PANK3: variants seen among roughly 807,000 people sequenced by gnomAD.
PANK3 encodes hPanK3.
PANK3 carries 20 observed loss-of-function variants against 39.4 expected under a neutral mutation model. That is an observed-to-expected ratio of 0.51 (90% CI 0.36 to 0.74). The LOEUF (loss-of-function observed/expected upper bound fraction) is 0.74. Ranked by LOEUF, PANK3 falls within the 30% of genes least tolerant of loss-of-function variation. The pLI is 0.00. For synonymous variants in PANK3, 140 were observed against 157.3 expected (o/e 0.89, Z 0.82); for missense variants, 265 against 437.0 (o/e 0.61, Z 3.51).
intron 6 of PANK3, 36 bp from the exon 7 acceptor site, chr5:168,557,657 CT>C: frequency 6.5e-7 from 1 of 1,547,214 alleles, no homozygotes; most frequent in Non-Finnish European, 8.9e-7. Context: ...TGTAGTACAG[CT>C]TTTAAGTTAG....
At chr5:168,575,886 G>A (rs930775686) in intron 1 of PANK3, among the ~76,000 whole-genome samples, 2 of 152,054 alleles carry the variant, frequency 1.3e-5, no homozygotes, top group Non-Finnish European at 2.9e-5. Context: ...CATGAAAAAC[G>A]CTCGAAACAT....
intron 1 of PANK3, among the ~76,000 whole-genome samples, chr5:168,569,772 C>G (rs1759596716): frequency 6.6e-6 from 1 of 152,124 alleles, no homozygotes; most frequent in South Asian, 2.1e-4. Context: ...GCAATTCCTG[C>G]CAGGTATGGT....
chr5:168,553,102 C>T lies in PANK3; in HGVS notation c.*4469G>A. The T allele has an allele frequency of 2.3e-6, 1 of 432,266 alleles. No homozygotes were observed. Among genetic ancestry groups the T allele is most frequent in the South Asian group, 1.9e-5 (1 of 52,676 alleles). The allele number at this position is 432,266 out of a possible 1,614,324, so 26.8% of individuals were successfully genotyped here. On this transcript the variant is annotated 3_prime_UTR_variant, in exon 7 of 7. Coordinates refer to ENST00000239231, the MANE Select transcript of PANK3 (RefSeq NM_024594.4). Reference sequence around the variant, plus strand: ...GTTAATGAGCAAAAACTTACGACTTCCAGGGCAAAATGGAAGGGCTACACT... The same window carrying T: ...GTTAATGAGCAAAAACTTACGACTTTCAGGGCAAAATGGAAGGGCTACACT...
chr5:168,574,897 T>C (rs1008143718), intron 1 of PANK3, among the ~76,000 whole-genome samples: 5 of 151,946 alleles, frequency 3.3e-5, no homozygotes, highest in Non-Finnish European at 7.4e-5. Flanking sequence ...TCCTAGGAAA[T>C]CAAGCAAGTA....
intron 5 of PANK3, 58 bp from the exon 6 acceptor site, chr5:168,559,215 G>T: frequency 1.8e-6 from 2 of 1,140,750 alleles, no homozygotes; most frequent in Non-Finnish European, 2.4e-6. Flanking sequence ...CAATATAAAA[G>T]GTTTCTAAAT....
In PANK3 at chr5:168,573,416, C is replaced by CAAAAAAAAAAAAAAAAAAA; in HGVS notation, c.29-4437_29-4419dup. On this transcript the variant is annotated intron_variant, in intron 1 of 6. Transcript: ENST00000239231. ...CACGAGATGCAGAACCTCAGCAAGGCAAAAAAAAAAAAAAAAAAAAAAAAA... is the reference window on the plus strand; with the variant it reads ...CACGAGATGCAGAACCTCAGCAAGGCAAAAAAAAAAAAAAAAAAAAAAAAAAAAAAAAAAAAAAAAAAAA... 6.0e-3 allele frequency among the ~76,000 whole-genome samples: 102 copies of CAAAAAAAAAAAAAAAAAAA among 16,950 alleles called. 10 individuals are homozygous for CAAAAAAAAAAAAAAAAAAA. Among genetic ancestry groups the CAAAAAAAAAAAAAAAAAAA allele is most frequent in the Middle Eastern group, 0.14 (2 of 14 alleles). 11.1% of individuals were successfully genotyped at this position (16,950 alleles called of 152,430 possible).
chr5:168,577,998 C>T (rs1759754669), intron 1 of PANK3, among the ~76,000 whole-genome samples: 1 of 152,172 alleles, frequency 6.6e-6, no homozygotes, highest in African/African-American at 2.4e-5. Context: ...TCTTGAACAA[C>T]TATGACAGGA....
chr5:168,569,030 A>AAAAAAAAAAT (rs1554125888), intron 1 of PANK3, 32 bp from the exon 2 acceptor site: 2 of 115,516 alleles, frequency 1.7e-5, no homozygotes, highest in African/African-American at 1.6e-4. Context: ...AAAAAAAAAA[A>AAAAAAAAAAT]ATATATATAT....
chr5:168,558,211 G>A (rs562180455), intron 6 of PANK3, among the ~76,000 whole-genome samples: 6 of 148,576 alleles, frequency 4.0e-5, no homozygotes, highest in Non-Finnish European at 3.0e-5. Context: ...AGTGGCTGGA[G>A]TGCAGTGGCG....
chr5:168,579,150 G>T, intron 1 of PANK3, 106 bp downstream of exon 1: 1 of 1,060,990 alleles, frequency 9.4e-7, no homozygotes, highest in Non-Finnish European at 1.3e-6. Flanking sequence ...CGGACGAAGC[G>T]CCGGCGAGGA....
At chr5:168,570,488 C>T (rs1049630979) in intron 1 of PANK3, among the ~76,000 whole-genome samples, 2 of 151,476 alleles carry the variant, frequency 1.3e-5, no homozygotes, top group African/African-American at 2.4e-5. Flanking sequence ...CCTGAAGGAG[C>T]GCTCAATGTA....
At position 168,552,524 on chromosome 5, in the gene PANK3, T is replaced by C; in HGVS notation, c.*5047A>G. 5.3e-6 allele frequency: 1 copy of C among 187,146 alleles called. No individual in the cohort carries two copies. The highest frequency in any genetic ancestry group is 1.2e-5 in the Non-Finnish European group (1 of 83,220). The allele number at this position is 187,146 out of a possible 1,614,324, so 11.6% of individuals were successfully genotyped here. A position where few individuals can be genotyped will look rare whatever the true frequency, so the allele number is the denominator to read the frequency against. On this transcript the variant is annotated 3_prime_UTR_variant, in exon 7 of 7. Transcript: ENST00000239231. Reference sequence around the variant, plus strand: ...AGCAATCCAACTAGAAAGTTGGAGGTCCAGTTGGAGCAACCAGCCACTGCT... The same window carrying C: ...AGCAATCCAACTAGAAAGTTGGAGGCCCAGTTGGAGCAACCAGCCACTGCT...
chr5:168,573,078 T>A (rs747262682), intron 1 of PANK3, among the ~76,000 whole-genome samples: 26 of 152,148 alleles, frequency 1.7e-4, no homozygotes, highest in Non-Finnish European at 3.1e-4. Context: ...TGTTCGTTCC[T>A]TGAGTGCTGT....
chr5:168,573,587 T>C (rs1243224254), intron 1 of PANK3, among the ~76,000 whole-genome samples: 12 of 151,852 alleles, frequency 7.9e-5, no homozygotes, highest in Non-Finnish European at 7.4e-5. Flanking sequence ...TAGTTACATA[T>C]GTATACATGT....
rs1759243862 is a variant in PANK3, at chr5:168,549,610, T to A, written c.*7961A>T. On this transcript the variant is annotated 3_prime_UTR_variant, in exon 7 of 7. Transcript: ENST00000239231. ...CTCCTTTGAAAAATACATTCCTCTT[T>A]TGTTCTTTTAAATGCAAAATTAGTG... 1 of 152,226 alleles carries A rather than the reference T, an allele frequency of 6.6e-6. No individual in the cohort carries two copies. Among genetic ancestry groups the A allele is most frequent in the Non-Finnish European group, 1.5e-5 (1 of 68,036 alleles). 9.4% of individuals were successfully genotyped at this position (152,226 alleles called of 1,614,324 possible).
rs541190560 is a variant in PANK3 at position 168,558,925 on chromosome 5, A to C, written c.1062+107T>G. On this transcript the variant is annotated intron_variant, in intron 6 of 6. Coordinates refer to ENST00000239231, the MANE Select transcript of PANK3 (RefSeq NM_024594.4). ...GATGAGCCCAGGAGGAAGAGGCTGC[A>C]GTAAGCCATCATTGTGCCACTAAAC... 1.8e-4 allele frequency: 189 copies of C among 1,071,742 alleles called. 1 individual carries two copies. In the African/African-American group the frequency reaches 2.9e-3, roughly 17 times the overall value. The allele number at this position is 1,071,742 out of a possible 1,614,324, so 66.4% of individuals were successfully genotyped here.
At chr5:168,573,446 A>AAAAAAAAAG (rs1759680097) in intron 1 of PANK3, among the ~76,000 whole-genome samples, 1 of 134,272 alleles carries the variant, frequency 7.4e-6, no homozygotes, top group African/African-American at 2.7e-5. Context: ...AAAAAAAAAA[A>AAAAAAAAAG]GGCACAAAGA....
intron 4 of PANK3, among the ~76,000 whole-genome samples, chr5:168,562,296 G>T (rs920657155): frequency 6.6e-6 from 1 of 152,158 alleles, no homozygotes; most frequent in Non-Finnish European, 1.5e-5. Context: ...AAAAAGTTAA[G>T]AAGGTATGAG....
intron 3 of PANK3, 28 bp downstream of exon 3, chr5:168,565,985 G>T (rs751907961): frequency 1.3e-6 from 2 of 1,584,092 alleles, no homozygotes. Context: ...CAATGTGAAT[G>T]CAGCAATACA....
Sources: allele counts gnomAD v4.1 joint callset (sites outside exome capture counted in the v4.1 genomes callset), GRCh38; gene constraint gnomAD v4.1.1; transcripts MANE v1.5; gene names NCBI Gene and HGNC (gene_info 2026-07-23, HGNC 2026-07-21).